FOCAD: variants seen among roughly 807,000 people sequenced by gnomAD.
FOCAD encodes KIAA1797.
Under a neutral mutation model 225.6 loss-of-function variants are expected in FOCAD, and 198 were observed. The ratio of observed to expected loss-of-function variants is 0.88; its 90% CI spans 0.78 to 0.99. The LOEUF (loss-of-function observed/expected upper bound fraction) is 0.99, where lower values mean the gene tolerates loss of function less well. FOCAD is among the 50% of genes least tolerant of loss of function. The pLI, the probability that FOCAD is intolerant of heterozygous loss-of-function variation, is 0.00. For missense variants in FOCAD, 2,713 were observed against 2,123.6 expected, an observed-to-expected ratio of 1.28 and a Z score of -5.46; for synonymous variants, 897 against 755.0, an observed-to-expected ratio of 1.19 and a Z score of -3.08.
chr9:20,656,031 T>C (rs1396259178), upstream of FOCAD, among the ~76,000 whole-genome samples: 2 of 151,910 alleles, frequency 1.3e-5, no homozygotes, highest in Non-Finnish European at 2.9e-5. Flanking sequence ...CATTTTGTTA[T>C]GTACCCAGTA....
chr9:20,738,787 T>C (rs1469276680), intron 4 of FOCAD, among the ~76,000 whole-genome samples: 1 of 152,186 alleles, frequency 6.6e-6, no homozygotes, highest in Non-Finnish European at 1.5e-5. Flanking sequence ...ACATATGTAA[T>C]TCAGAATTTT....
At chr9:20,786,304 A>T (rs1819915606) in intron 10 of FOCAD, among the ~76,000 whole-genome samples, 1 of 152,206 alleles carries the variant, frequency 6.6e-6, no homozygotes, top group African/African-American at 2.4e-5. Flanking sequence ...ATTGGAACTT[A>T]AAAAGGAATT....
chr9:20,726,607 A>G (rs1826219757), intron 4 of FOCAD, among the ~76,000 whole-genome samples: 1 of 152,302 alleles, frequency 6.6e-6, no homozygotes, highest in African/African-American at 2.4e-5. Context: ...TAGGATATTA[A>G]AAATTCTTGT....
At chr9:20,772,662 C>T (rs1311257282) in intron 8 of FOCAD, among the ~76,000 whole-genome samples, 1 of 151,772 alleles carries the variant, frequency 6.6e-6, no homozygotes, top group African/African-American at 2.4e-5. Flanking sequence ...GCAGTTTCAG[C>T]AGGGTGGTGG....
At chr9:20,946,608 G>C in intron 29 of FOCAD, 93 bp from the exon 30 acceptor site, 3 of 1,346,454 alleles carry the variant, frequency 2.2e-6, no homozygotes, top group Middle Eastern at 2.6e-4. Context: ...TTCTTACTCT[G>C]GGGGGGAGTT....
chr9:20,777,069 G>A (rs1036740837), intron 8 of FOCAD, among the ~76,000 whole-genome samples: 8 of 151,818 alleles, frequency 5.3e-5, no homozygotes, highest in African/African-American at 1.7e-4. Flanking sequence ...AAAAATTCAC[G>A]AATTTTTTTC....
At chr9:20,942,125 C>T (rs560091063) in intron 28 of FOCAD, among the ~76,000 whole-genome samples, 1 of 152,170 alleles carries the variant, frequency 6.6e-6, no homozygotes, top group African/African-American at 2.4e-5. Flanking sequence ...TATACATACA[C>T]TGTTATATAT....
chr9:20,911,781 A>G (rs1040840050), intron 22 of FOCAD, among the ~76,000 whole-genome samples: 1 of 152,182 alleles, frequency 6.6e-6, no homozygotes, highest in Non-Finnish European at 1.5e-5. Context: ...CCATGTCCTT[A>G]ACTCTTCAAT....
chr9:20,914,593 A>G (rs1833720361), intron 23 of FOCAD, among the ~76,000 whole-genome samples: 1 of 152,184 alleles, frequency 6.6e-6, no homozygotes, highest in African/African-American at 2.4e-5. Context: ...GAAACAGCGA[A>G]TTCATCATAG....
intron 15 of FOCAD, among the ~76,000 whole-genome samples, chr9:20,855,808 T>C (rs1443825249): frequency 6.6e-6 from 1 of 151,204 alleles, no homozygotes; most frequent in African/African-American, 2.4e-5. Context: ...TTTTTTTTTT[T>C]TTTTAACACT....
At chr9:20,797,457 T>C (rs1044580636) in intron 11 of FOCAD, among the ~76,000 whole-genome samples, 32 of 152,214 alleles carry the variant, frequency 2.1e-4, no homozygotes, top group Admixed American at 7.2e-4. Flanking sequence ...GAGCATGGAA[T>C]GTTTTTCCAT....
intron 15 of FOCAD, among the ~76,000 whole-genome samples, chr9:20,838,106 T>G (rs1826169697): frequency 6.6e-6 from 1 of 152,148 alleles, no homozygotes; most frequent in South Asian, 2.1e-4. Flanking sequence ...ACCTTTTCTT[T>G]TAAAGGTGTT....
At chr9:20,682,968 A>G (rs984460920), upstream of FOCAD, among the ~76,000 whole-genome samples, 14 of 151,964 alleles carry the variant, frequency 9.2e-5, no homozygotes, top group African/African-American at 3.1e-4. Context: ...TTTAGTAGAG[A>G]TGGGGTTTCA....
At chr9:20,677,875 C>G (rs947609687) in intron 2 of FOCAD, among the ~76,000 whole-genome samples, 7 of 152,210 alleles carry the variant, frequency 4.6e-5, no homozygotes, top group Admixed American at 3.9e-4. Context: ...AAAGAGATAT[C>G]TGCACTTTTG....
chr9:20,740,779 G>A (rs561803522), intron 5 of FOCAD, among the ~76,000 whole-genome samples: 2 of 152,274 alleles, frequency 1.3e-5, no homozygotes, highest in Non-Finnish European at 2.9e-5. Context: ...CAGTAGTTAG[G>A]AGTGTTGATT....
At chr9:20,918,625 G>A (rs1396323137) in intron 24 of FOCAD, among the ~76,000 whole-genome samples, 2 of 151,892 alleles carry the variant, frequency 1.3e-5, no homozygotes, top group East Asian at 3.9e-4. Flanking sequence ...TTGGGAGGCT[G>A]AGGCAGGAGA....
chr9:20,990,402 G>T lies in FOCAD; in HGVS notation c.5256+28G>T, dbSNP rs760348035. On this transcript the variant is annotated intron_variant, in intron 42 of 43. Coordinates refer to ENST00000338382, the MANE Select transcript of FOCAD (RefSeq NM_001375567.1). ...GAGGCTGGCAGCCACCTGCTTAGCA[G>T]GGCAGGCAGCCATTGTCTCTTCAGC... 8 of 1,609,182 alleles carry T rather than the reference G, an allele frequency of 5.0e-6. No homozygotes were observed. In the East Asian group the frequency reaches 1.6e-4, roughly 32 times the overall value.
intron 1 of FOCAD, among the ~76,000 whole-genome samples, chr9:20,695,455 G>A (rs1823286918): frequency 1.3e-5 from 2 of 152,004 alleles, no homozygotes; most frequent in Admixed American, 1.3e-4. Flanking sequence ...TTTTTCTTAA[G>A]CCCGTAAACA....
chr9:20,957,478 C>CTTTTCTTTTTTTTTTTT (rs1554741394), intron 35 of FOCAD: 2 of 81,464 alleles, frequency 2.5e-5, no homozygotes, highest in Admixed American at 1.7e-4. Flanking sequence ...CTTTTCTTTT[C>CTTTTCTTTTTTTTTTTT]TTTTTTTTTT....
Sources: allele counts gnomAD v4.1 joint callset (sites outside exome capture counted in the v4.1 genomes callset), GRCh38; gene constraint gnomAD v4.1.1; transcripts MANE v1.5; gene names NCBI Gene and HGNC (gene_info 2026-07-23, HGNC 2026-07-21).